SCAMP4: variants seen among roughly 807,000 people sequenced by gnomAD.
SCAMP4 encodes the protein secretory carrier-associated membrane protein 4.
A neutral mutation model predicts 32.1 loss-of-function variants in SCAMP4; 19 were observed. The observed-to-expected ratio is 0.59, with a 90% CI of 0.41 to 0.87. SCAMP4 has a LOEUF of 0.87. SCAMP4 is among the 40% of genes least tolerant of loss of function. SCAMP4 has a pLI of 0.00. For synonymous variants in SCAMP4, 152 were observed against 132.7 expected (o/e 1.15, Z -1.00); for missense variants, 302 against 309.0 (o/e 0.98, Z 0.17).
chr19:1,924,271 G>A lies in SCAMP4; in HGVS notation c.677G>A (p.Gly226Asp). The A allele has an allele frequency of 6.3e-7, 1 of 1,594,532 alleles. No individual in the cohort carries two copies. Among genetic ancestry groups the A allele is most frequent in the Non-Finnish European group, 8.5e-7 (1 of 1,171,594 alleles). Residue 226 changes from glycine to aspartate, a missense_variant, in exon 7 of 7, where the codon GGC (glycine) becomes GAC (aspartate). By Grantham distance (94) the Gly-to-Asp change is moderately conservative. Coordinates refer to ENST00000316097, the MANE Select transcript of SCAMP4 (RefSeq NM_079834.4). ...ACTGTGCCCAGCTACCCGGGCAGTG[G>A]CCAGTGGCCTTAGAGGGAGCCTGCC... Reference protein sequence around the residue: ...YPTVPSYPGSGQWP With the variant: ...YPTVPSYPGSDQWP
At chr19:1,913,924 A>G (rs2013634508) in intron 1 of SCAMP4, among the ~76,000 whole-genome samples, 1 of 152,164 alleles carries the variant, frequency 6.6e-6, no homozygotes, top group Non-Finnish European at 1.5e-5. Flanking sequence ...GGGATCCGGC[A>G]GGTGGGGGCT....
At chr19:1,919,550 G>A (rs2013853337) in intron 5 of SCAMP4, 7 of 742,358 alleles carry the variant, frequency 9.4e-6, no homozygotes, top group Non-Finnish European at 9.8e-6. Context: ...AGGCTGGGGC[G>A]CAGTGGTGCA....
Position 1,919,162 on chromosome 19 carries a change from C to T in SCAMP4, c.395+172C>T, listed in dbSNP as rs975473386. ...GCGCCCGCGTCCTCGCCAGCGCCCG[C>T]GTCCTCGCCAGCACCCAGCCATGGT... On this transcript the variant is annotated intron_variant, in intron 5 of 6. Coordinates refer to ENST00000316097, the MANE Select transcript of SCAMP4 (RefSeq NM_079834.4). The T allele has an allele frequency of 2.3e-5, 33 of 1,435,526 alleles. No homozygotes were observed. In the East Asian group the frequency reaches 3.6e-4, roughly 16 times the overall value. 88.9% of individuals were successfully genotyped at this position (1,435,526 alleles called of 1,614,324 possible).
At chr19:1,922,384 G>A (rs1025176047) in intron 5 of SCAMP4, 9 of 683,934 alleles carry the variant, frequency 1.3e-5, no homozygotes, top group South Asian at 6.5e-5. Flanking sequence ...ACAGGCATGC[G>A]CCCTCATGCC....
Position 1,917,838 on chromosome 19 carries a change from GGCAGGAGGCGGGAA to G in SCAMP4, c.136+19_136+32del, listed in dbSNP as rs1460320618. ...CTGTGGATGTGTGAGTGCGCCTGGG[GGCAGGAGGCGGGAA>G]GCGGGAGGCAGGGCTCCCCGAGGGA... On this transcript the variant is annotated intron_variant, in intron 3 of 6. Coordinates refer to ENST00000316097, the MANE Select transcript of SCAMP4 (RefSeq NM_079834.4). 19 of 1,613,176 alleles carry G rather than the reference GGCAGGAGGCGGGAA, an allele frequency of 1.2e-5. No homozygotes were observed. The highest frequency in any genetic ancestry group is 1.6e-5 in the Non-Finnish European group (19 of 1,179,640).
At chr19:1,907,756 T>C (rs774268388) in intron 1 of SCAMP4, among the ~76,000 whole-genome samples, 19 of 152,020 alleles carry the variant, frequency 1.2e-4, no homozygotes, top group Non-Finnish European at 2.8e-4. Flanking sequence ...GGGGTCCCAG[T>C]GGTCGGTCGC....
Position 1,922,210 on chromosome 19 carries a change from C to T in SCAMP4, c.396-860C>T, listed in dbSNP as rs1048638814. On this transcript the variant is annotated intron_variant, in intron 5 of 6. Transcript: ENST00000316097. ...TGGTCCTGCACAGAGGGACCCAGGG[C>T]GTGCTGGCCTTCCCAGTGTCCCACT... 1.6e-5 allele frequency: 16 copies of T among 985,344 alleles called. No individual in the cohort carries two copies. The Admixed American group carries it at 1.8e-4, about 11-fold the overall frequency. The allele number at this position is 985,344 out of a possible 1,614,324, so 61.0% of individuals were successfully genotyped here.
In SCAMP4 at chr19:1,905,428, C is replaced by T. The variant is rs548129125; in HGVS notation, c.-53C>T. ...CTTGGCGAAGCGCTGCGCTCGCGCCCGGATCCCTCAGGTAAGCGCGCGGCC... is the reference window on the plus strand; with the variant it reads ...CTTGGCGAAGCGCTGCGCTCGCGCCTGGATCCCTCAGGTAAGCGCGCGGCC... On this transcript the variant is annotated 5_prime_UTR_variant, in exon 1 of 7. Transcript: ENST00000316097. 4 of 463,704 alleles carry T rather than the reference C, an allele frequency of 8.6e-6. No individual in the cohort carries two copies. The highest frequency in any genetic ancestry group is 2.0e-5 in the African/African-American group (1 of 49,332). The allele number at this position is 463,704 out of a possible 1,614,324, so 28.7% of individuals were successfully genotyped here. A position where few individuals can be genotyped will look rare whatever the true frequency, so the allele number is the denominator to read the frequency against.
intron 1 of SCAMP4, among the ~76,000 whole-genome samples, chr19:1,910,640 G>A (rs1248989686): frequency 1.4e-5 from 2 of 145,148 alleles, no homozygotes; most frequent in East Asian, 2.1e-4. Flanking sequence ...GCAGTGGCAC[G>A]ATCTCGGCTC....
At chr19:1,905,491 A>G in intron 1 of SCAMP4, 52 bp downstream of exon 1, 10 of 395,552 alleles carry the variant, frequency 2.5e-5, no homozygotes, top group Admixed American at 5.4e-5. Flanking sequence ...ACTTCCCCAG[A>G]GGGGGAGTAG....
rs1568777214 is a variant in SCAMP4, at chr19:1,923,914, CGT to C, written c.514-192_514-191del. On this transcript the variant is annotated intron_variant, in intron 6 of 6. Coordinates refer to ENST00000316097, the MANE Select transcript of SCAMP4 (RefSeq NM_079834.4). Reference sequence around the variant, plus strand: ...TGCTGGGATGACAGGCGTGAGCCACCGTGCCCGGCCTATTTTTTATATTGTAG... The same window carrying C: ...TGCTGGGATGACAGGCGTGAGCCACCGCCCGGCCTATTTTTTATATTGTAG... Among the ~76,000 whole-genome samples, 551 of 98,358 alleles carry C rather than the reference CGT, an allele frequency of 5.6e-3. 10 individuals are homozygous for C. The highest frequency in any genetic ancestry group is 0.013 in the Non-Finnish European group (450 of 35,610). 64.5% of individuals were successfully genotyped at this position (98,358 alleles called of 152,430 possible).
intron 5 of SCAMP4, chr19:1,920,343 C>G (rs4807169): frequency 2.1e-6 from 2 of 965,740 alleles, no homozygotes; most frequent in South Asian, 9.6e-5. Context: ...GGTACTCTCA[C>G]GCCAGTGCAC....
In SCAMP4 at chr19:1,913,009, G is replaced by C. The variant is rs149740927; in HGVS notation, c.-41-1970G>C. The C allele has an allele frequency of 4.7e-5, 75 of 1,607,140 alleles. No homozygotes were observed. Among genetic ancestry groups the C allele is most frequent in the Non-Finnish European group, 5.6e-5 (66 of 1,179,344 alleles). ...GCCCTGGTGCACGCACGCATCCTGC[G>C]CGTCTTCTACGGTGCGCCCTCGCCC... On this transcript the variant is annotated intron_variant, in intron 1 of 6. Coordinates refer to ENST00000316097, the MANE Select transcript of SCAMP4 (RefSeq NM_079834.4).
At chr19:1,921,096 C>T (rs762812183) in intron 5 of SCAMP4, 20 of 985,284 alleles carry the variant, frequency 2.0e-5, no homozygotes, top group Middle Eastern at 5.2e-4. Flanking sequence ...CAGCGCACAG[C>T]GACTTCATGT....
intron 5 of SCAMP4, chr19:1,919,231 C>A: frequency 1.5e-6 from 2 of 1,369,912 alleles, no homozygotes; most frequent in Non-Finnish European, 1.9e-6. Context: ...CGAGCTCGCC[C>A]TGGCAGTGCC....
At chr19:1,918,091 C>T (rs376345428) in intron 3 of SCAMP4, 36 bp from the exon 4 acceptor site, 52 of 1,585,004 alleles carry the variant, frequency 3.3e-5, no homozygotes, top group Non-Finnish European at 4.3e-5. Context: ...CACACCCTCC[C>T]GTGCCTGCTC....
At chr19:1,919,838 C>T (rs555827617) in intron 5 of SCAMP4, among the ~76,000 whole-genome samples, 47 of 149,302 alleles carry the variant, frequency 3.1e-4, no homozygotes, top group East Asian at 1.6e-3. Context: ...GAGATGGAGT[C>T]GCTCTCTGTC....
At chr19:1,906,055 G>A (rs1462972829) in intron 1 of SCAMP4, 1 of 152,212 alleles carries the variant, frequency 6.6e-6, no homozygotes, top group Non-Finnish European at 1.5e-5. Context: ...AGAAACAGAG[G>A]ATCGACTCCG....
rs1425238413 is a variant in SCAMP4, at chr19:1,918,236, G to A, written c.246G>A (p.Thr82=). ...GLAFVWLLLF[T]PCGYVCWFRP... is the part of the protein sequence containing the mutation. ...CCTTCGTGTGGCTGCTCCTGTTCACGCCTTGCGGCTACGTGTGCTGGTTCC... is the reference window on the plus strand; with the variant it reads ...CCTTCGTGTGGCTGCTCCTGTTCACACCTTGCGGCTACGTGTGCTGGTTCC... The change falls in exon 4 of 7, where the codon ACG becomes ACA. Residue 82 remains threonine, a synonymous_variant. Transcript: ENST00000316097. 8 of 1,610,048 alleles carry A rather than the reference G, an allele frequency of 5.0e-6. No homozygotes were observed. The Admixed American group carries it at 5.0e-5, about 10-fold the overall frequency.
Sources: allele counts gnomAD v4.1 joint callset (sites outside exome capture counted in the v4.1 genomes callset), GRCh38; gene constraint gnomAD v4.1.1; transcripts MANE v1.5; gene names NCBI Gene and HGNC (gene_info 2026-07-23, HGNC 2026-07-21).